Variants in ANKRD28 observed in about 807,000 individuals in gnomAD.
The protein encoded by ANKRD28 is ankyrin repeat domain 28, also known as serine/threonine-protein phosphatase 6 regulatory ankyrin repeat subunit A.
In ANKRD28, 44 loss-of-function variants were observed where a neutral mutation model predicts 126.5. The observed-to-expected ratio is 0.35, with a 90% confidence interval of 0.27 to 0.45. ANKRD28 has a LOEUF of 0.45. ANKRD28 is among the 20% of genes least tolerant of loss of function. The pLI, the probability that ANKRD28 is intolerant of heterozygous loss-of-function variation, is 1.00. For missense variants in ANKRD28, 1,110 were observed against 1,316.6 expected (o/e 0.84, Z 2.43); for synonymous variants, 442 against 468.5 (o/e 0.94, Z 0.73).
intron 26 of ANKRD28, 167 bp downstream of exon 26, chr3:15,676,807 T>G: frequency 2.0e-6 from 1 of 508,490 alleles, no homozygotes; most frequent in Non-Finnish European, 3.4e-6. Context: ...ATAATATGGC[T>G]TTTAGTTGTG....
chr3:15,778,911 G>C (rs988236249), intron 2 of ANKRD28, among the ~76,000 whole-genome samples: 9 of 152,140 alleles, frequency 5.9e-5, no homozygotes, highest in African/African-American at 1.9e-4. Flanking sequence ...TGAGTCTCAG[G>C]AGATCTGATG....
At position 15,720,949 on chromosome 3, in the gene ANKRD28, A is replaced by G. The variant is rs376636130; in HGVS notation, c.962T>C (p.Leu321Pro). 9 of 1,613,604 alleles carry G rather than the reference A, an allele frequency of 5.6e-6. No homozygotes were observed. The highest frequency in any genetic ancestry group is 1.6e-4 in the Middle Eastern group (1 of 6,082). ...ASTHGALCLELLVGNGADVNM... is the reference protein window; with the variant it reads ...ASTHGALCLEPLVGNGADVNM... Reference sequence around the variant, plus strand: ...GACATCGGCCCCATTGCCAACTAGAAGCTCTAAACACAATGCTCCATGTGT... The same window carrying G: ...GACATCGGCCCCATTGCCAACTAGAGGCTCTAAACACAATGCTCCATGTGT... The change falls in exon 8 of 28, where the codon CTT becomes CCT. Residue 321 changes from leucine (L) to proline (P), a missense_variant. Leu to Pro is a moderately conservative substitution (Grantham distance 98, BLOSUM62 -3). Transcript: ENST00000683139.
rs148238954 is a variant in ANKRD28, at chr3:15,812,434, A to G, written c.28-17128T>C. The stretch of plus-strand genomic sequence containing the variant: ...GATAATTACAATTTATACAGTTATT[A>G]AAAGCAAAATTAGCTAAATGATTTG... On this transcript the variant is annotated intron_variant, in intron 1 of 27. Transcript: ENST00000399451. This position sits in a 1 kb window ranked among gnomAD's most constrained non-coding sequence, Gnocchi z 4.1. Among the ~76,000 whole-genome samples the G allele has an allele frequency of 6.6e-6, 1 of 152,240 alleles. No individual in the cohort carries two copies. The highest frequency in any genetic ancestry group is 1.5e-5 in the Non-Finnish European group (1 of 68,042).
chr3:15,770,876 T>C (rs1575612339), intron 2 of ANKRD28, among the ~76,000 whole-genome samples: 2 of 152,324 alleles, frequency 1.3e-5, no homozygotes, highest in African/African-American at 4.8e-5. Context: ...CTATGTAGAA[T>C]GGTGAGAGTG....
chr3:15,726,913 T>G (rs1248273108), intron 6 of ANKRD28, among the ~76,000 whole-genome samples: 1 of 152,230 alleles, frequency 6.6e-6, no homozygotes, highest in Non-Finnish European at 1.5e-5. Flanking sequence ...CTAAATCCAC[T>G]TTGCCTATGC....
At position 15,839,435 on chromosome 3, in the gene ANKRD28, T is replaced by C. The variant is rs75363930; in HGVS notation, c.27+19942A>G. Among the ~76,000 whole-genome samples, 648 of 152,264 alleles carry C rather than the reference T, an allele frequency of 4.3e-3. 5 individuals are homozygous for C. Among genetic ancestry groups the C allele is most frequent in the East Asian group, 0.019 (101 of 5,180 alleles). ...GGGTAAAAGGGAAGATTTTCTGACA[T>C]GTTGATTCAGCACACAGGAACACCA... On this transcript the variant is annotated intron_variant, in intron 1 of 27. Coordinates refer to the ANKRD28 transcript ENST00000399451. The surrounding 1 kb of genome is among the most constrained non-coding windows in gnomAD (Gnocchi z 4.3).
intron 2 of ANKRD28, among the ~76,000 whole-genome samples, chr3:15,778,936 T>C (rs2059421175): frequency 6.6e-6 from 1 of 152,210 alleles, no homozygotes; most frequent in East Asian, 1.9e-4. Flanking sequence ...TATAAGTATG[T>C]AGCATTTGCC....
intron 3 of ANKRD28, among the ~76,000 whole-genome samples, chr3:15,762,725 C>T (rs991007149): frequency 6.6e-6 from 1 of 151,582 alleles, no homozygotes; most frequent in Non-Finnish European, 1.5e-5. Context: ...ATTTACTTGG[C>T]AGAACCAAAA....
At chr3:15,849,204 C>T (rs2061587037) in intron 1 of ANKRD28, among the ~76,000 whole-genome samples, 1 of 152,170 alleles carries the variant, frequency 6.6e-6, no homozygotes, top group Non-Finnish European at 1.5e-5. Context: ...AGACTATTAT[C>T]ATTAAGATGG....
At position 15,676,999 on chromosome 3, in the gene ANKRD28, T is replaced by G; in HGVS notation, c.2848A>C (p.Asn950His). Residue 950 changes from asparagine to histidine, a missense_variant, in exon 26 of 28, where the codon AAT becomes CAT. Physicochemically the swap from Asn to His is moderately conservative, Grantham distance 68. Transcript: ENST00000683139. ...GTTTGCAAGGCTGCGTTGGTTGCATTGATGAGGTTTCTATCTGTTATCTTT... is the reference window on the plus strand; with the variant it reads ...GTTTGCAAGGCTGCGTTGGTTGCATGGATGAGGTTTCTATCTGTTATCTTT... ...LEKITDRNLI[N>H]ATNAALQTPL... 1 of 1,613,446 alleles carries G rather than the reference T, an allele frequency of 6.2e-7. No individual in the cohort carries two copies. The highest frequency in any genetic ancestry group is 8.5e-7 in the Non-Finnish European group (1 of 1,179,590).
intron 3 of ANKRD28, among the ~76,000 whole-genome samples, chr3:15,761,690 T>C (rs2058465434): frequency 6.6e-6 from 1 of 152,230 alleles, no homozygotes; most frequent in Admixed American, 6.5e-5. Flanking sequence ...TCTGGAAATC[T>C]ATTTCCAATA....
intron 2 of ANKRD28, among the ~76,000 whole-genome samples, chr3:15,789,489 C>T (rs2059929828): frequency 6.6e-6 from 1 of 151,850 alleles, no homozygotes; most frequent in Non-Finnish European, 1.5e-5. Flanking sequence ...GTCTCTTTTC[C>T]AATGTCTTTG....
At chr3:15,734,110 C>T (rs1220340966) in intron 6 of ANKRD28, among the ~76,000 whole-genome samples, 2 of 152,080 alleles carry the variant, frequency 1.3e-5, no homozygotes, top group African/African-American at 2.4e-5. Flanking sequence ...GGATGTGAAA[C>T]GCTCATACAC....
At chr3:15,748,211 A>C (rs1474580791) in intron 4 of ANKRD28, among the ~76,000 whole-genome samples, 3 of 152,204 alleles carry the variant, frequency 2.0e-5, no homozygotes, top group Non-Finnish European at 4.4e-5. Context: ...TTGAGATGTG[A>C]GGTACTATTC....
intron 3 of ANKRD28, among the ~76,000 whole-genome samples, 162 bp downstream of exon 3, chr3:15,766,072 G>T (rs1275917007): frequency 6.6e-6 from 1 of 152,040 alleles, no homozygotes; most frequent in Non-Finnish European, 1.5e-5. Flanking sequence ...CCCAGAAAAA[G>T]ATATGTGATC....
chr3:15,715,754 G>A (rs889697971), intron 8 of ANKRD28, among the ~76,000 whole-genome samples: 11 of 152,088 alleles, frequency 7.2e-5, no homozygotes, highest in South Asian at 2.1e-4. Flanking sequence ...CATCTTACTG[G>A]TCTGTTGTAC....
chr3:15,733,877 G>A (rs1007267339), intron 6 of ANKRD28, among the ~76,000 whole-genome samples: 3 of 152,202 alleles, frequency 2.0e-5, no homozygotes, highest in South Asian at 4.1e-4. Flanking sequence ...TTCATTATAG[G>A]CATAGGATTT....
intron 3 of ANKRD28, among the ~76,000 whole-genome samples, chr3:15,764,430 C>T (rs1463991244): frequency 6.6e-6 from 1 of 151,930 alleles, no homozygotes; most frequent in African/African-American, 2.4e-5. Flanking sequence ...AGGAAGTCAA[C>T]CTTCTACAAG....
At chr3:15,742,237 A>C in intron 4 of ANKRD28, among the ~76,000 whole-genome samples, 2 of 137,070 alleles carry the variant, frequency 1.5e-5, no homozygotes, top group African/African-American at 5.6e-5. Context: ...CTGGCTACCC[A>C]GTCTGGAAAG....
Sources: allele counts gnomAD v4.1 joint callset (sites outside exome capture counted in the v4.1 genomes callset), GRCh38; gene constraint gnomAD v4.1.1; non-coding constraint Gnocchi (gnomAD v3.1); transcripts MANE v1.5; gene names NCBI Gene and HGNC (gene_info 2026-07-23, HGNC 2026-07-21).